L3MBTL1: variants seen among roughly 807,000 people sequenced by gnomAD.
L3MBTL1 encodes L3MBTL histone methyl-lysine binding protein 1, also known as lethal(3)malignant brain tumor-like protein 1.
L3MBTL1 carries 75 observed loss-of-function variants against 105.3 expected under a neutral mutation model. The observed-to-expected ratio is 0.71, with a 90% CI of 0.59 to 0.86. L3MBTL1 has a LOEUF of 0.86. Among genes scored for constraint, L3MBTL1 ranks in the 40% least tolerant of loss-of-function variants. The probability of loss-of-function intolerance (pLI) is 0.00; values close to 1 mark genes in which losing one functional copy is unlikely to be tolerated. For synonymous variants in L3MBTL1, 452 were observed against 436.2 expected, an observed-to-expected ratio of 1.04 and a Z score of -0.45; for missense variants, 1,069 against 1,126.4, an observed-to-expected ratio of 0.95 and a Z score of 0.73.
chr20:43,531,014 C>G (rs2019310541), intron 11 of L3MBTL1, 125 bp downstream of exon 11: 2 of 765,772 alleles, frequency 2.6e-6, no homozygotes, highest in Non-Finnish European at 4.3e-6. Flanking sequence ...GTTCTGATCT[C>G]TCATATCAGA....
intron 20 of L3MBTL1, 87 bp from the exon 21 acceptor site, chr20:43,540,666 C>A: frequency 7.7e-7 from 1 of 1,297,442 alleles, no homozygotes; most frequent in Non-Finnish European, 1.1e-6. Flanking sequence ...ATTGGCACAG[C>A]TCAGAAGCAC....
intron 7 of L3MBTL1, among the ~76,000 whole-genome samples, chr20:43,518,435 T>A (rs1164762694): frequency 6.6e-6 from 1 of 152,202 alleles, no homozygotes; most frequent in African/African-American, 2.4e-5. Flanking sequence ...TAAAAACATG[T>A]GACTCATGTG....
chr20:43,522,769 G>C (rs887379016), intron 7 of L3MBTL1, among the ~76,000 whole-genome samples: 1 of 146,892 alleles, frequency 6.8e-6, no homozygotes, highest in Non-Finnish European at 1.5e-5. Context: ...ACTGTGCCCG[G>C]CCAACGGTGT....
Position 43,536,201 on chromosome 20 carries a change from G to A in L3MBTL1, c.2030G>A (p.Arg677Gln), listed in dbSNP as rs145295216. 1.4e-5 allele frequency: 23 copies of A among 1,612,864 alleles called. No individual in the cohort carries two copies. The highest frequency in any genetic ancestry group is 5.0e-5 in the Admixed American group (3 of 59,920). ...CCACTGGCTGAGAGGAACCAGAGCCGGCTGAAAGCGGAGCTGTCTGACTCG... is the reference window on the plus strand; with the variant it reads ...CCACTGGCTGAGAGGAACCAGAGCCAGCTGAAAGCGGAGCTGTCTGACTCG... ...GCPLAERNQS[R>Q]LKAELSDSEA... The change falls in exon 18 of 22, where the codon CGG becomes CAG. Residue 677 changes from arginine to glutamine, a missense_variant. Coordinates refer to ENST00000418998, the MANE Select transcript of L3MBTL1 (RefSeq NM_001377303.1).
intron 19 of L3MBTL1, 152 bp from the exon 20 acceptor site, chr20:43,539,999 G>A (rs923386235): frequency 5.4e-5 from 43 of 794,802 alleles, no homozygotes; most frequent in Admixed American, 2.4e-4. Flanking sequence ...CAGGAGATAC[G>A]GCTCACCCTC....
chr20:43,522,774 C>T (rs1452218542), intron 7 of L3MBTL1, among the ~76,000 whole-genome samples: 7 of 138,126 alleles, frequency 5.1e-5, no homozygotes, highest in Admixed American at 7.7e-5. Context: ...GCCCGGCCAA[C>T]GGTGTCTTTT....
chr20:43,514,399 TG>T, intron 3 of L3MBTL1: 2 of 1,434,716 alleles, frequency 1.4e-6, no homozygotes, highest in Non-Finnish European at 1.8e-6. Flanking sequence ...TGTGGGAGCC[TG>T]GGGGCGTGGC....
chr20:43,542,994 C>G (rs1452982200), downstream of L3MBTL1, among the ~76,000 whole-genome samples: 1 of 152,088 alleles, frequency 6.6e-6, no homozygotes, highest in Non-Finnish European at 1.5e-5. Context: ...TAAGTTTGCC[C>G]TAGCTTTATT....
chr20:43,507,991 T>C (rs1017259149), intron 1 of L3MBTL1, among the ~76,000 whole-genome samples: 1 of 152,098 alleles, frequency 6.6e-6, no homozygotes, highest in Non-Finnish European at 1.5e-5. Flanking sequence ...CGGCGTGGCT[T>C]CGGGCTGCGA....
intron 8 of L3MBTL1, chr20:43,528,984 T>C (rs1310086386): frequency 1.7e-6 from 1 of 602,350 alleles, no homozygotes; most frequent in Admixed American, 2.9e-5. Flanking sequence ...TGCAGACTTT[T>C]GAATTCTGGT....
Position 43,513,527 on chromosome 20 carries a change from G to A in L3MBTL1, c.24G>A (p.Glu8=), listed in dbSNP as rs1472074332. 1.9e-6 allele frequency: 3 copies of A among 1,550,852 alleles called. No homozygotes were observed. The highest frequency in any genetic ancestry group is 2.6e-6 in the Non-Finnish European group (3 of 1,147,052). Reference sequence around the variant, plus strand: ...GGATGGAGGGGCATGCTGAAATGGAGATGCTGAGGACACTGAAGGGGCCTT... The same window carrying A: ...GGATGGAGGGGCATGCTGAAATGGAAATGCTGAGGACACTGAAGGGGCCTT... MEGHAEM[E]MLRTLKGPST... is the part of the protein sequence containing the mutation. The change falls in exon 2 of 22, where the codon GAG becomes GAA. Residue 8 remains glutamate (E), a synonymous_variant. Transcript: ENST00000418998.
chr20:43,533,974 G>T lies in L3MBTL1; in HGVS notation c.1514-34G>T, dbSNP rs1280665300. 5 of 1,504,724 alleles carry T rather than the reference G, an allele frequency of 3.3e-6. No individual in the cohort carries two copies. In the African/African-American group the frequency reaches 6.9e-5, roughly 21 times the overall value. The allele number at this position is 1,504,724 out of a possible 1,614,324, so 93.2% of individuals were successfully genotyped here. A position where few individuals can be genotyped will look rare whatever the true frequency, so the allele number is the denominator to read the frequency against. ...GCAGAGGGCTTCCGCAGTACACCTG[G>T]GTGGCTAGACATTGCTCTCATCCTC... On this transcript the variant is annotated intron_variant, in intron 13 of 21. Transcript: ENST00000418998.
exon 19 of L3MBTL1, chr20:43,548,913 A>T (rs1013598273): frequency 6.6e-6 from 1 of 152,258 alleles, no homozygotes; most frequent in Non-Finnish European, 1.5e-5. Context: ...TTGAGCCAAG[A>T]TGCCTTCCTG....
intron 6 of L3MBTL1, 40 bp downstream of exon 6, chr20:43,515,455 G>A: frequency 6.5e-7 from 1 of 1,537,310 alleles, no homozygotes; most frequent in Non-Finnish European, 8.8e-7. Flanking sequence ...GGAAGCTATA[G>A]CCTATGCCTC....
At chr20:43,538,231 A>G (rs548011026) in intron 19 of L3MBTL1, among the ~76,000 whole-genome samples, 10 of 152,282 alleles carry the variant, frequency 6.6e-5, no homozygotes, top group Middle Eastern at 3.4e-3. Context: ...TGTGGTACCC[A>G]TGGTCAAGTC....
At position 43,515,040 on chromosome 20, in the gene L3MBTL1, CA is replaced by C. The variant is rs1367484912; in HGVS notation, c.536del (p.Asn179IlefsTer43). The C allele has an allele frequency of 4.3e-6, 7 of 1,613,942 alleles. No homozygotes were observed. The Admixed American group carries it at 1.2e-4, about 27-fold the overall frequency. On this transcript the variant is annotated frameshift_variant, in exon 5 of 22. Transcript: ENST00000418998. LOFTEE classifies it high-confidence loss of function. ...DHPQNPPEDP[N>X]QDPPEDDSTC... ...ACCCCCAGAATCCTCCAGAAGATCC[CA>C]ATCAGGACCCCCCAGAGGATGATAG...
chr20:43,540,520 T>C (rs1029556685), intron 20 of L3MBTL1, among the ~76,000 whole-genome samples: 6 of 152,140 alleles, frequency 3.9e-5, no homozygotes, highest in Non-Finnish European at 8.8e-5. Flanking sequence ...GGGCGGGGGC[T>C]GTGCTGCTGT....
intron 19 of L3MBTL1, chr20:43,539,351 G>GGGGCCAGGTTT (rs2019790736): frequency 6.5e-6 from 1 of 153,532 alleles, no homozygotes; most frequent in Admixed American, 6.5e-5. Flanking sequence ...AGCAGTGAGT[G>GGGGCCAGGTTT]GGGCCAGGTT....
At chr20:43,549,405 G>A (rs1199308841) in exon 19 of L3MBTL1, 1 of 152,154 alleles carries the variant, frequency 6.6e-6, no homozygotes, top group Non-Finnish European at 1.5e-5. Context: ...AGTTAGGAAG[G>A]TGAACTTTTC....
Sources: gnomAD v4.1 joint callset for allele counts (sites outside exome capture counted in the v4.1 genomes callset) on GRCh38, gnomAD v4.1.1 for gene constraint, MANE v1.5 for transcripts, NCBI Gene and HGNC (gene_info 2026-07-23, HGNC 2026-07-21) for gene names.